CHST9: variants seen among roughly 807,000 people sequenced by gnomAD.
CHST9 encodes the protein GalNAc-4-sulfotransferase 2.
A neutral mutation model predicts 44.4 loss-of-function variants in CHST9; 41 were observed. The ratio of observed to expected loss-of-function variants is 0.92; its 90% CI spans 0.72 to 1.20. The LOEUF (loss-of-function observed/expected upper bound fraction) is 1.20. CHST9 is among the 50% of genes most tolerant of loss of function. The pLI is 0.00. For missense variants in CHST9, 504 were observed against 516.5 expected (o/e 0.98, Z 0.23); for synonymous variants, 171 against 178.4 (o/e 0.96, Z 0.33).
chr18:27,112,145 A>G (rs1440655562), intron 2 of CHST9, among the ~76,000 whole-genome samples: 1 of 148,676 alleles, frequency 6.7e-6, no homozygotes, highest in Admixed American at 6.7e-5. Context: ...ATATAACTAT[A>G]TTTATATTTA....
intron 4 of CHST9, among the ~76,000 whole-genome samples, chr18:26,978,417 A>G (rs2056651516): frequency 1.3e-5 from 2 of 152,120 alleles, no homozygotes. Context: ...TTAAGTATTA[A>G]TAATCTTTTC....
chr18:26,941,586 C>G (rs777280993), intron 5 of CHST9, among the ~76,000 whole-genome samples: 16 of 151,428 alleles, frequency 1.1e-4, no homozygotes, highest in Non-Finnish European at 2.2e-4. Flanking sequence ...CTACAAGTAA[C>G]ATTTTTCAGA....
intron 2 of CHST9, among the ~76,000 whole-genome samples, chr18:27,108,549 G>A (rs1343395220): frequency 6.6e-6 from 1 of 152,062 alleles, no homozygotes; most frequent in Non-Finnish European, 1.5e-5. Context: ...TTAGGGGCAG[G>A]AAGAATGAAA....
intron 2 of CHST9, among the ~76,000 whole-genome samples, chr18:27,103,820 A>G (rs1455398434): frequency 2.0e-5 from 3 of 152,184 alleles, no homozygotes; most frequent in Non-Finnish European, 4.4e-5. Flanking sequence ...ATTGGAATTA[A>G]TGCTTTTCTT....
intron 1 of CHST9, among the ~76,000 whole-genome samples, chr18:27,157,757 A>C (rs117744898): frequency 0.018 from 2,707 of 152,244 alleles, 49 homozygotes; most frequent in Non-Finnish European, 0.026. Flanking sequence ...TCAAAGCAGA[A>C]ATAATATATA....
chr18:26,918,840 G>A (rs1411590896), intron 5 of CHST9, among the ~76,000 whole-genome samples: 1 of 151,914 alleles, frequency 6.6e-6, no homozygotes, highest in African/African-American at 2.4e-5. Context: ...ATGCCAACGT[G>A]TACAGCCCCG....
chr18:27,029,831 G>A (rs774856808), intron 3 of CHST9, among the ~76,000 whole-genome samples: 2 of 152,042 alleles, frequency 1.3e-5, no homozygotes, highest in African/African-American at 2.4e-5. Flanking sequence ...TGCAGAAACC[G>A]ACATACATGA....
At chr18:27,012,392 T>A (rs916541515) in intron 4 of CHST9, among the ~76,000 whole-genome samples, 1 of 152,110 alleles carries the variant, frequency 6.6e-6, no homozygotes, top group Non-Finnish European at 1.5e-5. Context: ...TTTAAGAAAA[T>A]CATAAGAAAG....
At position 26,914,077 on chromosome 18, in the gene CHST9, T is replaced by C. The variant is rs1301692872; in HGVS notation, c.*2182A>G. ...TGGAAAGGGTCAGGAAAGGAACATA[T>C]ACAGCAAAAGGTACAATACAGCTTT... On this transcript the variant is annotated 3_prime_UTR_variant, in exon 6 of 6. Coordinates refer to ENST00000618847, the MANE Select transcript of CHST9 (RefSeq NM_031422.6). The C allele has an allele frequency of 6.6e-6, 1 of 152,152 alleles. No homozygotes were observed. The highest frequency in any genetic ancestry group is 1.5e-5 in the Non-Finnish European group (1 of 68,034). 9.4% of individuals were successfully genotyped at this position (152,152 alleles called of 1,614,324 possible).
At chr18:27,086,488 A>C (rs1314690096) in intron 2 of CHST9, among the ~76,000 whole-genome samples, 1 of 152,310 alleles carries the variant, frequency 6.6e-6, no homozygotes, top group East Asian at 1.9e-4. Flanking sequence ...CTGGTACTTC[A>C]TAAGTATCAT....
chr18:27,067,075 T>C (rs191544593), intron 2 of CHST9, among the ~76,000 whole-genome samples: 192 of 152,294 alleles, frequency 1.3e-3, no homozygotes, highest in African/African-American at 4.5e-3. Context: ...TTCTACTTTC[T>C]TGAAAGTAAA....
At chr18:27,181,441 T>A (rs970604577) in intron 1 of CHST9, among the ~76,000 whole-genome samples, 1 of 152,194 alleles carries the variant, frequency 6.6e-6, no homozygotes, top group Non-Finnish European at 1.5e-5. Flanking sequence ...TTTGATGAAA[T>A]GTGTTTTTGA....
Position 26,914,783 on chromosome 18 carries a change from T to C in CHST9, c.*1476A>G. The C allele has an allele frequency of 2.5e-6, 1 of 394,974 alleles. No individual in the cohort carries two copies. The highest frequency in any genetic ancestry group is 4.4e-5 in the Admixed American group (1 of 22,658). 24.5% of individuals were successfully genotyped at this position (394,974 alleles called of 1,614,324 possible). A position where few individuals can be genotyped will look rare whatever the true frequency, so the allele number is the denominator to read the frequency against. ...TGGTCTATTAACATTCAACTATTAA[T>C]ACCTACTGTTCTTTGAAAGCCATTA... On this transcript the variant is annotated 3_prime_UTR_variant, in exon 6 of 6. Coordinates refer to ENST00000618847, the MANE Select transcript of CHST9 (RefSeq NM_031422.6).
chr18:26,983,745 A>G (rs2056721387), intron 4 of CHST9, among the ~76,000 whole-genome samples: 1 of 152,208 alleles, frequency 6.6e-6, no homozygotes, highest in Admixed American at 6.5e-5. Context: ...TGCTGATATT[A>G]TTGATCTGAA....
At chr18:26,934,732 A>C (rs2055955597) in intron 5 of CHST9, 1 of 152,160 alleles carries the variant, frequency 6.6e-6, no homozygotes, top group Non-Finnish European at 1.5e-5. Flanking sequence ...TAATTTCTGA[A>C]CTCGAACATT....
intron 5 of CHST9, among the ~76,000 whole-genome samples, chr18:26,938,753 C>T (rs182573324): frequency 6.6e-6 from 1 of 152,320 alleles, no homozygotes; most frequent in East Asian, 1.9e-4. Context: ...CTGGATCTCC[C>T]TGCCCTTCAA....
intron 4 of CHST9, among the ~76,000 whole-genome samples, chr18:26,993,851 G>A (rs866553027): frequency 1.3e-5 from 2 of 152,206 alleles, no homozygotes; most frequent in South Asian, 4.1e-4. Flanking sequence ...AAATGCTGCA[G>A]ACTGCGGGCT....
chr18:27,084,080 G>C (rs2057985726), intron 2 of CHST9, among the ~76,000 whole-genome samples: 1 of 151,138 alleles, frequency 6.6e-6, no homozygotes, highest in South Asian at 2.1e-4. Context: ...ATGTTCATCA[G>C]GGATATTGGC....
chr18:27,003,183 T>C (rs1052547124), intron 4 of CHST9, among the ~76,000 whole-genome samples: 6 of 152,298 alleles, frequency 3.9e-5, no homozygotes, highest in African/African-American at 4.8e-5. Flanking sequence ...GAGTGGCTTA[T>C]TGAAATCAAA....
Sources: gnomAD v4.1 joint callset for allele counts (sites outside exome capture counted in the v4.1 genomes callset) on GRCh38, gnomAD v4.1.1 for gene constraint, MANE v1.5 for transcripts, NCBI Gene and HGNC (gene_info 2026-07-23, HGNC 2026-07-21) for gene names.